SDCCAG8: variants seen among roughly 807,000 people sequenced by gnomAD.
The protein encoded by SDCCAG8 is serologically defined colon cancer antigen 8.
A neutral mutation model predicts 101.8 loss-of-function variants in SDCCAG8; 74 were observed. The ratio of observed to expected loss-of-function variants is 0.73; its 90% CI spans 0.60 to 0.88. The LOEUF (loss-of-function observed/expected upper bound fraction) is 0.88. Among genes scored for constraint, SDCCAG8 ranks in the 40% least tolerant of loss-of-function variants. The pLI, the probability that SDCCAG8 is intolerant of heterozygous loss-of-function variation, is 0.00. For synonymous variants in SDCCAG8, 281 were observed against 292.9 expected (o/e 0.96, Z 0.41); for missense variants, 787 against 822.6 (o/e 0.96, Z 0.53).
At chr1:243,477,974 T>C in intron 16 of SDCCAG8, among the ~76,000 whole-genome samples, 1 of 152,234 alleles carries the variant, frequency 6.6e-6, no homozygotes, top group East Asian at 1.9e-4. Flanking sequence ...TCCTTTTTAT[T>C]GTACTCCACA....
At chr1:243,410,621 C>G (rs542808011) in intron 13 of SDCCAG8, among the ~76,000 whole-genome samples, 1 of 152,226 alleles carries the variant, frequency 6.6e-6, no homozygotes, top group South Asian at 2.1e-4. Flanking sequence ...CTACCAGGTC[C>G]TTGTTCCAGA....
intron 9 of SDCCAG8, chr1:243,318,394 A>G (rs1277136083): frequency 1.2e-5 from 2 of 170,632 alleles, no homozygotes; most frequent in East Asian, 1.9e-4. Flanking sequence ...AGAAGAGATC[A>G]CTATTGGGTA....
intron 15 of SDCCAG8, among the ~76,000 whole-genome samples, chr1:243,421,560 G>A (rs1167927909): frequency 1.3e-5 from 2 of 152,192 alleles, no homozygotes; most frequent in East Asian, 1.9e-4. Flanking sequence ...AGTAGTTTGC[G>A]CGCTCTGTGT....
chr1:243,319,679 TAA>T (rs1301667350), intron 9 of SDCCAG8, among the ~76,000 whole-genome samples: 1 of 152,180 alleles, frequency 6.6e-6, no homozygotes, highest in Non-Finnish European at 1.5e-5. Flanking sequence ...GGCCCCTTTT[TAA>T]AAGTTTTAAC....
rs866875616 is a variant in SDCCAG8 at position 243,348,845 on chromosome 1, A to G, written c.1473+4514A>G. Among the ~76,000 whole-genome samples, 4 of 150,952 alleles carry G rather than the reference A, an allele frequency of 2.6e-5. No homozygotes were observed. In the Middle Eastern group the frequency reaches 0.01, roughly 388 times the overall value. ...AAAAAAAAAAAAAAAAATTAGCCGG[A>G]CATGATGGCACATGCCTGTAATCCC... On this transcript the variant is annotated intron_variant, in intron 12 of 17. Coordinates refer to ENST00000366541, the MANE Select transcript of SDCCAG8 (RefSeq NM_006642.5).
chr1:243,499,659 G>A (rs1435333194), intron 17 of SDCCAG8, 97 bp from the exon 18 acceptor site: 19 of 1,008,808 alleles, frequency 1.9e-5, no homozygotes, highest in Non-Finnish European at 2.8e-5. Flanking sequence ...TCCAACAACA[G>A]TTTTCATCAT....
chr1:243,281,975 A>G (rs2069095870), intron 4 of SDCCAG8, among the ~76,000 whole-genome samples: 1 of 151,856 alleles, frequency 6.6e-6, no homozygotes. Flanking sequence ...AGCATTTTAT[A>G]TGATTGCATT....
rs1303474181 is a variant in SDCCAG8 at position 243,311,664 on chromosome 1, CA to C, written c.929+3488del. Among the ~76,000 whole-genome samples, 9 of 152,072 alleles carry C rather than the reference CA, an allele frequency of 5.9e-5. No homozygotes were observed. The East Asian group carries it at 1.5e-3, about 26-fold the overall frequency. On this transcript the variant is annotated intron_variant, in intron 8 of 17. Coordinates refer to ENST00000366541, the MANE Select transcript of SDCCAG8 (RefSeq NM_006642.5). The stretch of plus-strand genomic sequence containing the variant: ...GCATAGTGGCTCATGCCTGTAATCC[CA>C]GCACTTTGGGAGCCTGATGCAGGAG...
chr1:243,347,025 C>G lies in SDCCAG8; in HGVS notation c.1473+2694C>G, dbSNP rs2075756189. 3.3e-5 allele frequency among the ~76,000 whole-genome samples: 5 copies of G among 152,080 alleles called. No homozygotes were observed. The South Asian group carries it at 1.0e-3, about 32-fold the overall frequency. On this transcript the variant is annotated intron_variant, in intron 12 of 17. Transcript: ENST00000366541. ...TCATCATTTTGCCAGTCCCCTTCCT[C>G]AATCCTATTCCATCACTCATCATTT...
chr1:243,293,456 C>G, intron 6 of SDCCAG8: 3 of 637,040 alleles, frequency 4.7e-6, no homozygotes, highest in Non-Finnish European at 5.8e-6. Flanking sequence ...TCTCCATTCC[C>G]CTCCCTGCCA....
intron 13 of SDCCAG8, among the ~76,000 whole-genome samples, chr1:243,400,013 G>A (rs769104336): frequency 2.0e-5 from 3 of 152,194 alleles, no homozygotes; most frequent in Non-Finnish European, 2.9e-5. Context: ...AAGTGGTGGC[G>A]TAGGCACTGA....
At chr1:243,380,308 AT>A (rs2147910166) in intron 13 of SDCCAG8, among the ~76,000 whole-genome samples, 1 of 152,320 alleles carries the variant, frequency 6.6e-6, no homozygotes, top group Non-Finnish European at 1.5e-5. Context: ...AAGTTTCAGA[AT>A]TTAGCTTCAT....
chr1:243,288,595 G>C (rs189136074), intron 5 of SDCCAG8, among the ~76,000 whole-genome samples: 12 of 152,200 alleles, frequency 7.9e-5, no homozygotes, highest in African/African-American at 2.7e-4. Context: ...ATCTTCTTTT[G>C]GGGGGAAGGG....
intron 13 of SDCCAG8, among the ~76,000 whole-genome samples, chr1:243,395,157 T>C (rs1447855202): frequency 1.3e-5 from 2 of 152,198 alleles, no homozygotes; most frequent in African/African-American, 4.8e-5. Flanking sequence ...TCATACAAAT[T>C]ATCCAAAAGA....
chr1:243,366,280 A>T (rs1280475217), intron 12 of SDCCAG8, among the ~76,000 whole-genome samples: 2 of 151,958 alleles, frequency 1.3e-5, no homozygotes, highest in Non-Finnish European at 2.9e-5. Context: ...TCATTCTCTT[A>T]TTTATTAAAA....
At chr1:243,386,275 T>C (rs2078281382) in intron 13 of SDCCAG8, among the ~76,000 whole-genome samples, 1 of 152,230 alleles carries the variant, frequency 6.6e-6, no homozygotes, top group Admixed American at 6.5e-5. Context: ...CCCAGTAAGT[T>C]GCCTGCAAAG....
At chr1:243,265,640 C>T (rs6429417) in intron 1 of SDCCAG8, among the ~76,000 whole-genome samples, 5,053 of 152,172 alleles carry the variant, frequency 0.033, 267 homozygotes, top group African/African-American at 0.11. Context: ...CGGTGAAACC[C>T]CATCTCTACT....
rs1442065184 is a variant in SDCCAG8 at position 243,353,303 on chromosome 1, C to G, written c.1473+8972C>G. 2.0e-5 allele frequency among the ~76,000 whole-genome samples: 3 copies of G among 151,486 alleles called. No individual in the cohort carries two copies. In the East Asian group the frequency reaches 5.9e-4, roughly 30 times the overall value. On this transcript the variant is annotated intron_variant, in intron 12 of 17. Coordinates refer to ENST00000366541, the MANE Select transcript of SDCCAG8 (RefSeq NM_006642.5). ...GTCAGGAGTTCGAGGCCAGCCTGGC[C>G]AACGTGGTAAAACCGTGCATCTACT...
chr1:243,314,277 C>T (rs971213535), intron 8 of SDCCAG8, among the ~76,000 whole-genome samples: 1 of 152,164 alleles, frequency 6.6e-6, no homozygotes, highest in South Asian at 2.1e-4. Flanking sequence ...GTTTTGTGGT[C>T]TCACTGTTGA....
Sources: allele counts gnomAD v4.1 joint callset (sites outside exome capture counted in the v4.1 genomes callset), GRCh38; gene constraint gnomAD v4.1.1; transcripts MANE v1.5; gene names NCBI Gene and HGNC (gene_info 2026-07-23, HGNC 2026-07-21).